Variants in LNPEP observed in about 807,000 individuals in gnomAD.
The protein encoded by LNPEP is leucyl-cystinyl aminopeptidase.
Under a neutral mutation model 120.6 loss-of-function variants are expected in LNPEP, and 64 were observed. The ratio of observed to expected loss-of-function variants is 0.53; its 90% CI spans 0.43 to 0.65. LNPEP has a LOEUF of 0.65. Ranked by LOEUF, LNPEP falls within the 30% of genes least tolerant of loss-of-function variation. The pLI, the probability that LNPEP is intolerant of heterozygous loss-of-function variation, is 0.00. For missense variants in LNPEP, 1,057 were observed against 1,200.0 expected, an observed-to-expected ratio of 0.88 and a Z score of 1.76; for synonymous variants, 435 against 425.4, an observed-to-expected ratio of 1.02 and a Z score of -0.28.
intron 1 of LNPEP, among the ~76,000 whole-genome samples, chr5:96,954,016 T>C (rs997013073): frequency 1.3e-5 from 2 of 152,244 alleles, no homozygotes; most frequent in African/African-American, 4.8e-5. Context: ...TGGTTGCTAG[T>C]GTATACTCTG....
intron 1 of LNPEP, 25 bp downstream of exon 1, chr5:96,936,199 G>T (rs1402807932): frequency 7.0e-7 from 1 of 1,431,588 alleles, no homozygotes; most frequent in Non-Finnish European, 9.1e-7. Context: ...GAGGCGCCGG[G>T]ACCCGGGCTC....
At chr5:96,987,220 T>A (rs1357745543) in intron 4 of LNPEP, among the ~76,000 whole-genome samples, 1 of 152,202 alleles carries the variant, frequency 6.6e-6, no homozygotes, top group Middle Eastern at 3.2e-3. Context: ...AAAATTAGAC[T>A]CTTCTGTTTT....
chr5:96,937,164 T>A (rs1229170733), intron 1 of LNPEP: 2 of 152,244 alleles, frequency 1.3e-5, no homozygotes, highest in Admixed American at 6.5e-5. Context: ...TTACTTCAGG[T>A]ACAGTATCAC....
chr5:97,008,337 G>GTTTTTTTTTTTTTTT lies in LNPEP; in HGVS notation c.2035+1839_2035+1853dup, dbSNP rs781727347. On this transcript the variant is annotated intron_variant, in intron 11 of 17. Coordinates refer to ENST00000231368, the MANE Select transcript of LNPEP (RefSeq NM_005575.3). ...TTGATTTTTTTGTTTGTTTTTTCTT[G>GTTTTTTTTTTTTTTT]TTTTTTTTTTTTTTTTTTTTTTTTT... Among the ~76,000 whole-genome samples, 57 of 59,840 alleles carry GTTTTTTTTTTTTTTT rather than the reference G, an allele frequency of 9.5e-4. 3 individuals carry two copies. The highest frequency in any genetic ancestry group is 1.4e-3 in the African/African-American group (19 of 13,356). The allele number at this position is 59,840 out of a possible 152,430, so 39.3% of individuals were successfully genotyped here. A position where few individuals can be genotyped will look rare whatever the true frequency, so the allele number is the denominator to read the frequency against.
chr5:97,006,436 G>A lies in LNPEP; in HGVS notation c.1956G>A (p.Trp652Ter), dbSNP rs1388395032. Residue 652 changes from tryptophan to a stop codon, truncating the protein, a stop_gained, in exon 11 of 18, where the codon TGG becomes TGA. Transcript: ENST00000231368. LOFTEE classifies it high-confidence loss of function. ...TGTTTTCTCTTTACAGCTACCTGTG[G>A]CATATTCCACTATCCTATGTCACTG... ...EIQPSDTSYL[W>*]HIPLSYVTEG... 1.9e-6 allele frequency: 3 copies of A among 1,563,244 alleles called. No individual in the cohort carries two copies. Among genetic ancestry groups the A allele is most frequent in the Non-Finnish European group, 8.8e-7 (1 of 1,139,302 alleles).
chr5:97,025,803 G>A (rs1245278209), intron 15 of LNPEP, among the ~76,000 whole-genome samples: 4 of 137,072 alleles, frequency 2.9e-5, no homozygotes, highest in Admixed American at 1.6e-4. Flanking sequence ...ACTTCATGAA[G>A]CCTGCTTTAT....
chr5:96,987,791 G>A (rs1342707330), intron 4 of LNPEP, among the ~76,000 whole-genome samples: 1 of 152,140 alleles, frequency 6.6e-6, no homozygotes, highest in Admixed American at 6.5e-5. Context: ...CTTTCAAAAG[G>A]ATATTATAAC....
At chr5:96,978,792 A>G (rs1295510835) in intron 1 of LNPEP, among the ~76,000 whole-genome samples, 2 of 152,180 alleles carry the variant, frequency 1.3e-5, no homozygotes. Context: ...AGGAATGCCA[A>G]AACAGTGCCC....
chr5:97,020,214 A>G (rs1791160255), intron 13 of LNPEP, among the ~76,000 whole-genome samples: 1 of 152,188 alleles, frequency 6.6e-6, no homozygotes, highest in Admixed American at 6.5e-5. Flanking sequence ...AAATTTCCAA[A>G]TAGGATTCAT....
At position 96,959,693 on chromosome 5, in the gene LNPEP, T is replaced by C. The variant is rs1435220762; in HGVS notation, c.20-19445T>C. Among the ~76,000 whole-genome samples the C allele has an allele frequency of 5.9e-5, 9 of 152,270 alleles. No individual in the cohort carries two copies. In the East Asian group the frequency reaches 1.7e-3, roughly 29 times the overall value. On this transcript the variant is annotated intron_variant, in intron 1 of 17. Transcript: ENST00000231368. The stretch of plus-strand genomic sequence containing the variant: ...ATTTAATATGATTTTAGTTTTAGAC[T>C]TTTAAAATTTGATTTAGCTAAATCC...
chr5:96,951,111 A>G (rs915698670), intron 1 of LNPEP, among the ~76,000 whole-genome samples: 1 of 152,132 alleles, frequency 6.6e-6, no homozygotes, highest in Admixed American at 6.5e-5. Context: ...ATATGTGGAG[A>G]GAGCGAGCTT....
At position 97,006,125 on chromosome 5, in the gene LNPEP, A is replaced by G. The variant is rs1165432630; in HGVS notation, c.1838A>G (p.Gln613Arg). Residue 613 changes from glutamine (Q) to arginine (R), a missense_variant, in exon 10 of 18, where the codon CAG becomes CGG. Coordinates refer to ENST00000231368, the MANE Select transcript of LNPEP (RefSeq NM_005575.3). ...VKRMMKTWTL[Q>R]KGFPLVTVQK... ...AGAATGATGAAAACCTGGACCCTGC[A>G]GAAAGGATTTCCTTTAGTGACTGTT... is the stretch of plus-strand genomic sequence containing the variant. 1.3e-6 allele frequency: 2 copies of G among 1,595,196 alleles called. No individual in the cohort carries two copies. Among genetic ancestry groups the G allele is most frequent in the Admixed American group, 3.5e-5 (2 of 57,230 alleles).
chr5:96,966,171 A>G (rs1789719113), intron 1 of LNPEP, among the ~76,000 whole-genome samples: 1 of 152,068 alleles, frequency 6.6e-6, no homozygotes, highest in African/African-American at 2.4e-5. Flanking sequence ...AGCTGCGATT[A>G]GACTTCATAA....
chr5:96,998,265 T>C (rs1790563828), intron 8 of LNPEP, 120 bp downstream of exon 8: 1 of 793,106 alleles, frequency 1.3e-6, no homozygotes, highest in Non-Finnish European at 1.9e-6. Flanking sequence ...GTATTAATGG[T>C]AAACTATAAA....
At chr5:96,982,067 C>G (rs1471266775) in intron 2 of LNPEP, among the ~76,000 whole-genome samples, 1 of 152,100 alleles carries the variant, frequency 6.6e-6, no homozygotes, top group East Asian at 1.9e-4. Flanking sequence ...CTGTCAAACT[C>G]ACTAAGAGAT....
intron 1 of LNPEP, among the ~76,000 whole-genome samples, chr5:96,974,418 C>T (rs1789941093): frequency 6.6e-6 from 1 of 152,136 alleles, no homozygotes; most frequent in Admixed American, 6.5e-5. Flanking sequence ...TGTACACTCT[C>T]CCTGTCCCTC....
chr5:97,000,606 C>T (rs1161081774), intron 8 of LNPEP, among the ~76,000 whole-genome samples: 6 of 152,120 alleles, frequency 3.9e-5, no homozygotes, highest in Admixed American at 1.3e-4. Context: ...GATGATCATC[C>T]GTGGTAGATG....
intron 11 of LNPEP, chr5:97,010,363 A>T (rs985659293): frequency 1.0e-6 from 1 of 984,550 alleles, no homozygotes; most frequent in Non-Finnish European, 1.2e-6. Flanking sequence ...AAAGGTAATT[A>T]GGATGAAAGA....
chr5:97,024,330 T>C (rs1791286834), intron 14 of LNPEP, among the ~76,000 whole-genome samples, 191 bp from the exon 15 acceptor site: 1 of 152,194 alleles, frequency 6.6e-6, no homozygotes, highest in African/African-American at 2.4e-5. Flanking sequence ...TAAATTGAAC[T>C]GATGTATCCA....
Sources: allele counts gnomAD v4.1 joint callset (sites outside exome capture counted in the v4.1 genomes callset), GRCh38; gene constraint gnomAD v4.1.1; transcripts MANE v1.5; gene names NCBI Gene and HGNC (gene_info 2026-07-23, HGNC 2026-07-21).